The following GLYATL1B variants were observed in gnomAD, a reference collection of about 807,000 sequenced individuals.
GLYATL1B encodes the protein putative glycine N-acyltransferase-like protein 1B.
GLYATL1B carries 6 observed loss-of-function variants against 5.5 expected under a neutral mutation model. That is an observed-to-expected ratio of 1.09 (90% CI 0.60 to 2.15). GLYATL1B has a LOEUF of 2.15. Ranked by LOEUF, GLYATL1B falls within the 30% of genes most tolerant of loss-of-function variation. GLYATL1B has a pLI of 0.00. For synonymous variants in GLYATL1B, 67 were observed against 34.9 expected (o/e 1.92, Z -3.24); for missense variants, 135 against 94.1 (o/e 1.43, Z -1.80).
chr11:59,087,847 TG>T (rs1859222206), intron 2 of GLYATL1B, among the ~76,000 whole-genome samples: 3 of 152,226 alleles, frequency 2.0e-5, no homozygotes, highest in Non-Finnish European at 2.9e-5. Context: ...GACCCTGTCA[TG>T]AAAACAATAA....
chr11:59,088,821 T>C (rs1859247375), intron 2 of GLYATL1B, among the ~76,000 whole-genome samples: 1 of 152,206 alleles, frequency 6.6e-6, no homozygotes, highest in Non-Finnish European at 1.5e-5. Flanking sequence ...ATACATTCAC[T>C]TAGTCTGATT....
chr11:59,094,121 A>G lies in GLYATL1B; in HGVS notation c.491+10A>G. 1.7e-6 allele frequency: 1 copy of G among 603,438 alleles called. No individual in the cohort carries two copies. Among genetic ancestry groups the G allele is most frequent in the Non-Finnish European group, 3.0e-6 (1 of 333,618 alleles). 37.4% of individuals were successfully genotyped at this position (603,438 alleles called of 1,614,324 possible). On this transcript the variant is annotated intron_variant, in intron 4 of 4. Coordinates refer to ENST00000527482, the MANE Select transcript of GLYATL1B (RefSeq NM_001355566.1). The stretch of plus-strand genomic sequence containing the variant: ...ATGACGAATTGGAGAGGTACAAAAA[A>G]CATGTGCTGATCATTTATAATTGCT...
intron 2 of GLYATL1B, among the ~76,000 whole-genome samples, chr11:59,092,661 C>G (rs762425231): frequency 6.6e-6 from 1 of 152,214 alleles, no homozygotes; most frequent in Non-Finnish European, 1.5e-5. Context: ...AACAGATACT[C>G]ATCGTCCCAT....
chr11:59,091,815 T>A (rs966762031), intron 2 of GLYATL1B, among the ~76,000 whole-genome samples: 4 of 152,082 alleles, frequency 2.6e-5, no homozygotes, highest in African/African-American at 9.7e-5. Flanking sequence ...TCATCACAGA[T>A]CCCCATCAAA....
At chr11:59,090,833 A>G (rs1859292606) in intron 2 of GLYATL1B, among the ~76,000 whole-genome samples, 1 of 152,126 alleles carries the variant, frequency 6.6e-6, no homozygotes, top group Non-Finnish European at 1.5e-5. Context: ...CCAAGTAGCC[A>G]TAATAAAAGT....
intron 2 of GLYATL1B, among the ~76,000 whole-genome samples, 182 bp downstream of exon 2, chr11:59,087,353 A>G (rs1277320806): frequency 6.6e-6 from 1 of 151,860 alleles, no homozygotes; most frequent in Non-Finnish European, 1.5e-5. Flanking sequence ...GTAAAGCATA[A>G]GACTCATTAG....
intron 2 of GLYATL1B, among the ~76,000 whole-genome samples, chr11:59,087,911 G>A (rs1045966829): frequency 5.3e-5 from 8 of 152,182 alleles, no homozygotes; most frequent in Middle Eastern, 3.2e-3. Flanking sequence ...TGTGTCAACT[G>A]TGTGGAAGCA....
At chr11:59,092,014 T>G (rs1859323224) in intron 2 of GLYATL1B, among the ~76,000 whole-genome samples, 1 of 152,342 alleles carries the variant, frequency 6.6e-6, no homozygotes. Flanking sequence ...AGTTTTCTAT[T>G]TTTTGAAAGT....
chr11:59,088,547 G>C (rs1160355205), intron 2 of GLYATL1B, among the ~76,000 whole-genome samples: 1 of 152,116 alleles, frequency 6.6e-6, no homozygotes, highest in Non-Finnish European at 1.5e-5. Context: ...TTGATCCATG[G>C]TCCAATTTCT....
chr11:59,087,420 A>C (rs1320391866), intron 2 of GLYATL1B, among the ~76,000 whole-genome samples: 5 of 152,154 alleles, frequency 3.3e-5, no homozygotes, highest in Non-Finnish European at 7.4e-5. Flanking sequence ...CTCACAGATT[A>C]AGGGCCCTTT....
chr11:59,087,311 T>A lies in GLYATL1B; in HGVS notation c.186+140T>A, dbSNP rs142268234. 1,114 of 400,232 alleles carry A rather than the reference T, an allele frequency of 2.8e-3. 12 individuals carry two copies. Among genetic ancestry groups the A allele is most frequent in the South Asian group, 0.014 (128 of 9,186 alleles). The allele number at this position is 400,232 out of a possible 1,614,324, so 24.8% of individuals were successfully genotyped here. A position where few individuals can be genotyped will look rare whatever the true frequency, so the allele number is the denominator to read the frequency against. On this transcript the variant is annotated intron_variant, in intron 2 of 4. Coordinates refer to ENST00000527482, the MANE Select transcript of GLYATL1B (RefSeq NM_001355566.1). ...AAACACTCCTTCAGTACTGGGCAGC[T>A]TGCGTGAGTGCCACATGTTAACACT... is the stretch of plus-strand genomic sequence containing the variant.
chr11:59,093,187 T>C (rs894632751), intron 2 of GLYATL1B, among the ~76,000 whole-genome samples: 1 of 152,178 alleles, frequency 6.6e-6, no homozygotes, highest in African/African-American at 2.4e-5. Context: ...ATGCTATATA[T>C]AAAATAAGGT....
At chr11:59,090,171 C>A (rs1859277978) in intron 2 of GLYATL1B, among the ~76,000 whole-genome samples, 1 of 151,884 alleles carries the variant, frequency 6.6e-6, no homozygotes, top group Non-Finnish European at 1.5e-5. Flanking sequence ...CTAATCTTTT[C>A]TCATGCTATT....
chr11:59,093,383 CT>C lies in GLYATL1B; in HGVS notation c.187-144del, dbSNP rs1168406789. The stretch of plus-strand genomic sequence containing the variant: ...GGTCAGCAGTAGCTTATAGGTCTCA[CT>C]TATATTATCCACGTGCCCAACTGCA... On this transcript the variant is annotated intron_variant, in intron 2 of 4. Coordinates refer to ENST00000527482, the MANE Select transcript of GLYATL1B (RefSeq NM_001355566.1). The C allele has an allele frequency of 1.1e-5, 4 of 376,714 alleles. No individual in the cohort carries two copies. The Admixed American group carries it at 1.8e-4, about 17-fold the overall frequency. 23.3% of individuals were successfully genotyped at this position (376,714 alleles called of 1,614,324 possible).
intron 2 of GLYATL1B, among the ~76,000 whole-genome samples, chr11:59,088,147 G>A (rs531180787): frequency 3.3e-5 from 5 of 152,168 alleles, no homozygotes; most frequent in Admixed American, 2.0e-4. Context: ...CTGTTAAAAT[G>A]GGAAAAATAG....
chr11:59,089,375 G>C (rs573440416), intron 2 of GLYATL1B, among the ~76,000 whole-genome samples: 1 of 152,118 alleles, frequency 6.6e-6, no homozygotes, highest in Admixed American at 6.5e-5. Flanking sequence ...GTTTCCAAAA[G>C]GGATAAGTCC....
chr11:59,086,748 T>C (rs11229796), intron 1 of GLYATL1B, among the ~76,000 whole-genome samples: 1 of 152,304 alleles, frequency 6.6e-6, no homozygotes, highest in East Asian at 1.9e-4. Context: ...AAAATGGGAA[T>C]AATATTAGTA....
Position 59,089,765 on chromosome 11 carries a change from A to G in GLYATL1B, c.186+2594A>G, listed in dbSNP as rs549287160. Among the ~76,000 whole-genome samples the G allele has an allele frequency of 2.6e-5, 4 of 152,292 alleles. No individual in the cohort carries two copies. In the South Asian group the frequency reaches 8.3e-4, roughly 32 times the overall value. ...GTGTATGCTACAAATTTGTTGCCCA[A>G]TTTAGAATTATTTTCTAATTTGATA... On this transcript the variant is annotated intron_variant, in intron 2 of 4. Coordinates refer to ENST00000527482, the MANE Select transcript of GLYATL1B (RefSeq NM_001355566.1).
chr11:59,088,888 C>A (rs1271153876), intron 2 of GLYATL1B, among the ~76,000 whole-genome samples: 1 of 151,980 alleles, frequency 6.6e-6, no homozygotes, highest in African/African-American at 2.4e-5. Context: ...TGAAGAAGAC[C>A]TTTTTAAGGT....
Sources: gnomAD v4.1 joint callset for allele counts (sites outside exome capture counted in the v4.1 genomes callset) on GRCh38, gnomAD v4.1.1 for gene constraint, MANE v1.5 for transcripts, NCBI Gene and HGNC (gene_info 2026-07-23, HGNC 2026-07-21) for gene names.